NPR1: variants seen among roughly 807,000 people sequenced by gnomAD.
NPR1 encodes the protein atrial natriuretic peptide receptor 1.
A neutral mutation model predicts 116.9 loss-of-function variants in NPR1; 57 were observed. That is an observed-to-expected ratio of 0.49 (90% CI 0.39 to 0.61). The LOEUF (loss-of-function observed/expected upper bound fraction) is 0.61, where lower values mean the gene tolerates loss of function less well. NPR1 is among the 20% of genes least tolerant of loss of function. The pLI is 0.00. For missense variants in NPR1, 1,096 were observed against 1,409.8 expected, an observed-to-expected ratio of 0.78 and a Z score of 3.56; for synonymous variants, 555 against 601.6, an observed-to-expected ratio of 0.92 and a Z score of 1.13.
In NPR1 at chr1:153,689,007, G is replaced by T. The variant is rs372297612; in HGVS notation, c.2472G>T (p.Ala824=). 2.5e-6 allele frequency: 4 copies of T among 1,614,136 alleles called. No homozygotes were observed. In the South Asian group the frequency reaches 3.3e-5, roughly 13 times the overall value. ...TGCTGTCCCGCATGGAGCAGTACGC[G>T]AACAATCTGGAGGAACTGGTGGAGG... The part of the protein sequence containing the change: ...DNLLSRMEQY[A]NNLEELVEER... The change falls in exon 16 of 22, where the codon GCG becomes GCT. Residue 824 remains alanine, a synonymous_variant. Transcript: ENST00000368680. This position sits in a 1 kb window ranked among gnomAD's most constrained non-coding sequence, Gnocchi z 5.1.
At chr1:153,686,778 C>T (rs1669942741) in intron 11 of NPR1, 28 bp downstream of exon 11, 1 of 1,595,646 alleles carries the variant, frequency 6.3e-7, no homozygotes, top group African/African-American at 1.3e-5. Flanking sequence ...TGTCAAGAAA[C>T]CTGGGTTCTA....
Position 153,689,269 on chromosome 1 carries a change from T to C in NPR1, c.2646T>C (p.Ile882=), listed in dbSNP as rs2101738438. ...GTGTTACCATCTACTTCAGTGACATTGTGGGTTTCACAGCGCTGTCGGCGG... is the reference window on the plus strand; with the variant it reads ...GTGTTACCATCTACTTCAGTGACATCGTGGGTTTCACAGCGCTGTCGGCGG... ...FDSVTIYFSD[I]VGFTALSAES... Residue 882 remains isoleucine (I), a synonymous_variant, in exon 17 of 22, where the codon ATT becomes ATC. Coordinates refer to ENST00000368680, the MANE Select transcript of NPR1 (RefSeq NM_000906.4). The surrounding 1 kb of genome is among the most constrained non-coding windows in gnomAD (Gnocchi z 5.1). 6.2e-7 allele frequency: 1 copy of C among 1,614,186 alleles called. No individual in the cohort carries two copies.
Position 153,685,063 on chromosome 1 carries a change from C to A in NPR1, c.1584C>A (p.Gly528=). Residue 528 remains glycine, a synonymous_variant, in exon 8 of 22, where the codon GGC becomes GGA. Transcript: ENST00000368680. The part of the protein sequence containing the change: ...SSLERHLRSA[G]SRLTLSGRGS... ...TTGAGAGGCACCTGCGGAGTGCAGG[C>A]AGCCGGCTGACCCTGAGCGGGGTAA... The A allele has an allele frequency of 1.2e-6, 2 of 1,613,996 alleles. No individual in the cohort carries two copies. The highest frequency in any genetic ancestry group is 1.7e-6 in the Non-Finnish European group (2 of 1,180,000).
At chr1:153,688,608 A>C in intron 15 of NPR1, 1 of 417,630 alleles carries the variant, frequency 2.4e-6, no homozygotes. Context: ...CGTGCCCACC[A>C]GGCCCAGTTC....
Position 153,682,452 on chromosome 1 carries a change from G to C in NPR1, c.1172-46G>C. The C allele has an allele frequency of 1.2e-5, 17 of 1,447,882 alleles. 1 individual carries two copies. Among genetic ancestry groups the C allele is most frequent in the Non-Finnish European group, 1.6e-5 (16 of 1,029,230 alleles). The allele number at this position is 1,447,882 out of a possible 1,614,324, so 89.7% of individuals were successfully genotyped here. ...TGAAGAGATGAAGTGGGGCACCCCT[G>C]AACTTCTATTCTCTCAAACATAGTC... On this transcript the variant is annotated intron_variant, in intron 4 of 21. Transcript: ENST00000368680.
chr1:153,689,153 C>A lies in NPR1; in HGVS notation c.2565-35C>A. The A allele has an allele frequency of 6.2e-7, 1 of 1,614,178 alleles. No homozygotes were observed. Among genetic ancestry groups the A allele is most frequent in the Non-Finnish European group, 8.5e-7 (1 of 1,180,014 alleles). On this transcript the variant is annotated intron_variant, in intron 16 of 21. Coordinates refer to ENST00000368680, the MANE Select transcript of NPR1 (RefSeq NM_000906.4). The surrounding 1 kb of genome is among the most constrained non-coding windows in gnomAD (Gnocchi z 5.1). ...CAACACAAAGCCCCTGTCCCGACCC[C>A]CAACTCTGATCCTGCACCTGCCCTG... is the stretch of plus-strand genomic sequence containing the variant.
Position 153,687,187 on chromosome 1 carries a change from C to A in NPR1, c.1936-13C>A, listed in dbSNP as rs1669955311. 6.2e-7 allele frequency: 1 copy of A among 1,614,108 alleles called. No individual in the cohort carries two copies. Among genetic ancestry groups the A allele is most frequent in the Admixed American group, 1.7e-5 (1 of 60,020 alleles). ...CACTCCTGGCCAATACCTCTGCCCA[C>A]TCACATTTCCAGGGCATGCTGTTTC... is the stretch of plus-strand genomic sequence containing the variant. On this transcript the variant is annotated splice_polypyrimidine_tract_variant and intron_variant, in intron 12 of 21. Transcript: ENST00000368680.
Position 153,678,868 on chromosome 1 carries a change from C to G in NPR1, c.-241C>G, listed in dbSNP as rs1475832440. On this transcript the variant is annotated 5_prime_UTR_variant, in exon 1 of 22. Coordinates refer to ENST00000368680, the MANE Select transcript of NPR1 (RefSeq NM_000906.4). The surrounding 1 kb of genome is among the most constrained non-coding windows in gnomAD (Gnocchi z 5.8). ...CACACTCGGGTCCTCTCCAGCCCGA[C>G]GTTCTCCTGGCACCCACCTGCTCCG... The G allele has an allele frequency of 2.0e-6, 1 of 491,548 alleles. No individual in the cohort carries two copies. The highest frequency in any genetic ancestry group is 3.5e-6 in the Non-Finnish European group (1 of 285,456). The allele number at this position is 491,548 out of a possible 1,614,324, so 30.4% of individuals were successfully genotyped here. A position where few individuals can be genotyped will look rare whatever the true frequency, so the allele number is the denominator to read the frequency against.
Position 153,689,131 on chromosome 1 carries a change from C to A in NPR1, c.2564+32C>A. 1 of 1,614,094 alleles carries A rather than the reference C, an allele frequency of 6.2e-7. No homozygotes were observed. The highest frequency in any genetic ancestry group is 8.5e-7 in the Non-Finnish European group (1 of 1,179,954). On this transcript the variant is annotated intron_variant, in intron 16 of 21. Transcript: ENST00000368680. The surrounding 1 kb of genome is among the most constrained non-coding windows in gnomAD (Gnocchi z 5.1). ...GCCTGAGTCTGGGGACCCCCCCCAACACAAAGCCCCTGTCCCGACCCCCAA... is the reference window on the plus strand; with the variant it reads ...GCCTGAGTCTGGGGACCCCCCCCAAAACAAAGCCCCTGTCCCGACCCCCAA...
At position 153,682,388 on chromosome 1, in the gene NPR1, C is replaced by T. The variant is rs1344378100; in HGVS notation, c.1172-110C>T. The T allele has an allele frequency of 1.3e-5, 10 of 756,166 alleles. 1 individual carries two copies. Among genetic ancestry groups the T allele is most frequent in the African/African-American group, 5.2e-5 (3 of 58,124 alleles). 46.8% of individuals were successfully genotyped at this position (756,166 alleles called of 1,614,324 possible). ...TTACCATTTACTATCATTCTGTATA[C>T]ATGTATGTTTGGAAGGCAAGGCAAA... is the stretch of plus-strand genomic sequence containing the variant. On this transcript the variant is annotated intron_variant, in intron 4 of 21. Coordinates refer to ENST00000368680, the MANE Select transcript of NPR1 (RefSeq NM_000906.4).
In NPR1 at chr1:153,689,004, C is replaced by T. The variant is rs145546823; in HGVS notation, c.2469C>T (p.Tyr823=). Residue 823 remains tyrosine (Y), a synonymous_variant, in exon 16 of 22, where the codon TAC becomes TAT. Transcript: ENST00000368680. The surrounding 1 kb of genome is among the most constrained non-coding windows in gnomAD (Gnocchi z 5.1). ...ACCTGCTGTCCCGCATGGAGCAGTA[C>T]GCGAACAATCTGGAGGAACTGGTGG... ...LDNLLSRMEQ[Y]ANNLEELVEE... The T allele has an allele frequency of 2.4e-5, 39 of 1,614,182 alleles. No individual in the cohort carries two copies. Among genetic ancestry groups the T allele is most frequent in the South Asian group, 4.4e-5 (4 of 91,092 alleles).
intron 15 of NPR1, 105 bp from the exon 16 acceptor site, chr1:153,688,848 A>C: frequency 1.4e-6 from 2 of 1,405,588 alleles, no homozygotes; most frequent in Non-Finnish European, 2.0e-6. Context: ...GAGCGTCTCT[A>C]GAGACCTCAC....
Position 153,693,646 on chromosome 1 carries a change from C to A in NPR1, c.*232C>A. The A allele has an allele frequency of 2.1e-6, 1 of 466,356 alleles. No individual in the cohort carries two copies. The allele number at this position is 466,356 out of a possible 1,614,324, so 28.9% of individuals were successfully genotyped here. On this transcript the variant is annotated 3_prime_UTR_variant, in exon 22 of 22. Coordinates refer to ENST00000368680, the MANE Select transcript of NPR1 (RefSeq NM_000906.4). ...CCAAGCCCACGGCCATGCACAGGGA[C>A]ACTCACACAGGCACACGCACCTGCT...
rs1270557318 is a variant in NPR1 at position 153,678,763 on chromosome 1, CCTT to C, written c.-341_-339del. The C allele has an allele frequency of 3.1e-6, 1 of 324,668 alleles. No homozygotes were observed. Among genetic ancestry groups the C allele is most frequent in the African/African-American group, 2.2e-5 (1 of 46,220 alleles). 20.1% of individuals were successfully genotyped at this position (324,668 alleles called of 1,614,324 possible). A position where few individuals can be genotyped will look rare whatever the true frequency, so the allele number is the denominator to read the frequency against. On this transcript the variant is annotated 5_prime_UTR_variant, in exon 1 of 22. Coordinates refer to ENST00000368680, the MANE Select transcript of NPR1 (RefSeq NM_000906.4). This position sits in a 1 kb window ranked among gnomAD's most constrained non-coding sequence, Gnocchi z 5.8. Reference sequence around the variant, plus strand: ...TCCTCCCTCGCGCGCCCTCTCTCATCCTTCTTCACGAAGCGCTCACTCGCACCC... The same window carrying C: ...TCCTCCCTCGCGCGCCCTCTCTCATCCTTCACGAAGCGCTCACTCGCACCC...
Position 153,685,029 on chromosome 1 carries a change from C to T in NPR1, c.1550C>T (p.Pro517Leu). 1.9e-6 allele frequency: 3 copies of T among 1,614,030 alleles called. No homozygotes were observed. The South Asian group carries it at 3.3e-5, about 18-fold the overall frequency. Residue 517 changes from proline to leucine, a missense_variant, in exon 8 of 22, where the codon CCC (proline) becomes CTC (leucine). Physicochemically the swap from Pro to Leu is moderately conservative, Grantham distance 98. Transcript: ENST00000368680. ...LWRVRWEDVE[P>L]SSLERHLRSA... ...CGGGTGCGCTGGGAGGACGTTGAGC[C>T]CAGTAGCCTTGAGAGGCACCTGCGG... is the stretch of plus-strand genomic sequence containing the variant.
chr1:153,685,885 G>A lies in NPR1; in HGVS notation c.1680+5G>A. 6.2e-7 allele frequency: 1 copy of A among 1,613,330 alleles called. No individual in the cohort carries two copies. Among genetic ancestry groups the A allele is most frequent in the Non-Finnish European group, 8.5e-7 (1 of 1,179,412 alleles). ...GCCAAGACAGCATATTATAAGGTGGGCCTGGGGAAAGATCACTGGGCCTTG... is the reference window on the plus strand; with the variant it reads ...GCCAAGACAGCATATTATAAGGTGGACCTGGGGAAAGATCACTGGGCCTTG... On this transcript the variant is annotated splice_donor_5th_base_variant and intron_variant, in intron 9 of 21. Coordinates refer to ENST00000368680, the MANE Select transcript of NPR1 (RefSeq NM_000906.4).
chr1:153,682,463 C>T, intron 4 of NPR1, 35 bp from the exon 5 acceptor site: 1 of 1,529,144 alleles, frequency 6.5e-7, no homozygotes, highest in Non-Finnish European at 9.1e-7. Context: ...AACTTCTATT[C>T]TCTCAAACAT....
At chr1:153,688,931 C>T (rs1011459101) in intron 15 of NPR1, 22 bp from the exon 16 acceptor site, 1 of 1,613,766 alleles carries the variant, frequency 6.2e-7, no homozygotes, top group Non-Finnish European at 8.5e-7. Context: ...TTACCACCCC[C>T]ACCGCCACCC....
intron 20 of NPR1, among the ~76,000 whole-genome samples, chr1:153,691,625 C>A (rs913508545): frequency 2.0e-5 from 3 of 152,148 alleles, no homozygotes; most frequent in Middle Eastern, 3.4e-3. Context: ...ACATTCTGGG[C>A]GCTGGGGGTG....
Sources: allele counts gnomAD v4.1 joint callset (sites outside exome capture counted in the v4.1 genomes callset), GRCh38; gene constraint gnomAD v4.1.1; non-coding constraint Gnocchi (gnomAD v3.1); transcripts MANE v1.5; gene names NCBI Gene and HGNC (gene_info 2026-07-23, HGNC 2026-07-21).